ANKRD11: variants seen among roughly 807,000 people sequenced by gnomAD.
ANKRD11 encodes ankyrin repeat domain 11, also known as ankyrin repeat domain-containing protein 11.
A neutral mutation model predicts 195.7 loss-of-function variants in ANKRD11; 17 were observed. The observed-to-expected ratio is 0.09, with a 90% confidence interval of 0.06 to 0.13. ANKRD11 has a LOEUF of 0.13. ANKRD11 is among the 10% of genes least tolerant of loss of function. The probability of loss-of-function intolerance (pLI) is 1.00; values close to 1 mark genes in which losing one functional copy is unlikely to be tolerated. For missense variants in ANKRD11, 3,735 were observed against 3,566.1 expected, an observed-to-expected ratio of 1.05 and a Z score of -1.21; for synonymous variants, 1,953 against 1,528.1, an observed-to-expected ratio of 1.28 and a Z score of -6.49.
chr16:89,300,914 A>T (rs2035812771), intron 4 of ANKRD11: 1 of 700,602 alleles, frequency 1.4e-6, no homozygotes, highest in East Asian at 2.7e-5. Context: ...GGCGCTCCTG[A>T]CGAGGGCTCC....
intron 4 of ANKRD11, chr16:89,304,951 C>A: frequency 1.8e-6 from 1 of 560,676 alleles, no homozygotes; most frequent in South Asian, 2.5e-5. Flanking sequence ...GGACATGCAC[C>A]GGGTGCATCT....
chr16:89,384,020 G>C (rs1333211217), intron 2 of ANKRD11, among the ~76,000 whole-genome samples: 2 of 152,176 alleles, frequency 1.3e-5, no homozygotes, highest in Admixed American at 6.5e-5. Flanking sequence ...AGCAGTTCAA[G>C]ACCAGCCTGG....
At chr16:89,449,881 T>TCA (rs10548102) in intron 1 of ANKRD11, among the ~76,000 whole-genome samples, 81,123 of 151,798 alleles carry the variant, frequency 0.53, 21,842 homozygotes, top group Middle Eastern at 0.67. Flanking sequence ...ATGATCAAAG[T>TCA]CATAGACAGG....
At chr16:89,316,885 C>T (rs1364032214) in intron 3 of ANKRD11, 48 bp downstream of exon 3, 6 of 1,595,508 alleles carry the variant, frequency 3.8e-6, no homozygotes, top group Non-Finnish European at 5.1e-6. Context: ...CCACCTCATC[C>T]CCATCTGGGT....
chr16:89,446,331 C>A (rs1050953555), intron 1 of ANKRD11, among the ~76,000 whole-genome samples: 5 of 152,152 alleles, frequency 3.3e-5, no homozygotes, highest in Non-Finnish European at 5.9e-5. Context: ...TGGACGGGCG[C>A]AGTGGCTCAC....
intron 2 of ANKRD11, among the ~76,000 whole-genome samples, chr16:89,333,603 T>C (rs1235806824): frequency 1.3e-5 from 2 of 152,060 alleles, no homozygotes; most frequent in Non-Finnish European, 2.9e-5. Flanking sequence ...GATGTCAGAG[T>C]CGGAACCCTA....
At chr16:89,356,889 A>G (rs1273042580) in intron 2 of ANKRD11, among the ~76,000 whole-genome samples, 2 of 152,144 alleles carry the variant, frequency 1.3e-5, no homozygotes, top group Non-Finnish European at 2.9e-5. Flanking sequence ...GGCTTCTCCC[A>G]GGCCCTGTGG....
Position 89,417,136 on chromosome 16 carries a change from G to T in ANKRD11, c.-60+1148C>A, listed in dbSNP as rs530063151. Among the ~76,000 whole-genome samples the T allele has an allele frequency of 3.6e-4, 55 of 152,268 alleles. No individual in the cohort carries two copies. In the South Asian group the frequency reaches 0.011, roughly 31 times the overall value. On this transcript the variant is annotated intron_variant, in intron 2 of 12. Coordinates refer to ENST00000301030, the MANE Select transcript of ANKRD11 (RefSeq NM_013275.6). ...AACCTCACCTCTATTTCCAAGGAAA[G>T]AATTCAGTCATATGAAAGAAAGCAG...
chr16:89,270,313 G>A (rs926703121), intron 12 of ANKRD11: 3 of 244,508 alleles, frequency 1.2e-5, no homozygotes, highest in Non-Finnish European at 1.6e-5. Flanking sequence ...ACTGTACAGG[G>A]TGACGCTGAC....
intron 1 of ANKRD11, among the ~76,000 whole-genome samples, chr16:89,436,469 G>A (rs973851278): frequency 6.6e-6 from 1 of 152,004 alleles, no homozygotes; most frequent in African/African-American, 2.4e-5. Context: ...ATCAACAAGA[G>A]ATTCAAGCAG....
rs11866267 is a variant in ANKRD11, at chr16:89,375,131, C to T, written c.-60+43153G>A. ...AAGCAGAAGTGTATACAACTCAGTG[C>T]GGGACATACCACACTGCACGCTGTA... On this transcript the variant is annotated intron_variant, in intron 2 of 12. Transcript: ENST00000301030. 3.5e-3 allele frequency among the ~76,000 whole-genome samples: 537 copies of T among 152,098 alleles called. 3 individuals carry two copies. The highest frequency in any genetic ancestry group is 0.012 in the African/African-American group (512 of 41,482).
chr16:89,278,884 G>A lies in ANKRD11; in HGVS notation c.7470+188C>T, dbSNP rs1048951998. 6.0e-6 allele frequency: 6 copies of A among 995,032 alleles called. No homozygotes were observed. The African/African-American group carries it at 6.4e-5, about 11-fold the overall frequency. The allele number at this position is 995,032 out of a possible 1,614,324, so 61.6% of individuals were successfully genotyped here. A position where few individuals can be genotyped will look rare whatever the true frequency, so the allele number is the denominator to read the frequency against. ...CTGGAGGAAGGACCTCGGGTCTGCAGAACAGCTGGGCAGCTTCCGGCTTTT... is the reference window on the plus strand; with the variant it reads ...CTGGAGGAAGGACCTCGGGTCTGCAAAACAGCTGGGCAGCTTCCGGCTTTT... On this transcript the variant is annotated intron_variant, in intron 9 of 12. Transcript: ENST00000301030.
chr16:89,425,667 G>A (rs984465661), intron 1 of ANKRD11, among the ~76,000 whole-genome samples: 4 of 152,052 alleles, frequency 2.6e-5, no homozygotes, highest in South Asian at 2.1e-4. Context: ...TCGGGCTGGG[G>A]GCAGAGAAGG....
At chr16:89,385,067 G>A (rs1364043178) in intron 2 of ANKRD11, among the ~76,000 whole-genome samples, 2 of 151,666 alleles carry the variant, frequency 1.3e-5, no homozygotes, top group African/African-American at 4.8e-5. Flanking sequence ...TGTATTTTTA[G>A]TAGAGACGAT....
At position 89,403,274 on chromosome 16, in the gene ANKRD11, C is replaced by A. The variant is rs933016669; in HGVS notation, c.-60+15010G>T. On this transcript the variant is annotated intron_variant, in intron 2 of 12. Transcript: ENST00000301030. ...GATGCGCACTCACTCACACCAGCCACGCACATGTTGTGAGCAATCCTGTGT... is the reference window on the plus strand; with the variant it reads ...GATGCGCACTCACTCACACCAGCCAAGCACATGTTGTGAGCAATCCTGTGT... Among the ~76,000 whole-genome samples the A allele has an allele frequency of 3.3e-5, 5 of 152,310 alleles. No individual in the cohort carries two copies. The East Asian group carries it at 7.7e-4, about 23-fold the overall frequency.
rs765426095 is a variant in ANKRD11, at chr16:89,405,266, G to A, written c.-60+13018C>T. ...GCGGTCTGTTGTGGAACAAAATGCC[G>A]TTACGTGGGGCATGACTGTATTCTG... On this transcript the variant is annotated intron_variant, in intron 2 of 12. Coordinates refer to ENST00000301030, the MANE Select transcript of ANKRD11 (RefSeq NM_013275.6). Among the ~76,000 whole-genome samples the A allele has an allele frequency of 5.3e-5, 8 of 152,272 alleles. No homozygotes were observed. The South Asian group carries it at 6.2e-4, about 12-fold the overall frequency.
rs541737531 is a variant in ANKRD11, at chr16:89,303,846, T to A, written c.226+1360A>T. Among the ~76,000 whole-genome samples, 10 of 152,316 alleles carry A rather than the reference T, an allele frequency of 6.6e-5. No individual in the cohort carries two copies. The South Asian group carries it at 1.9e-3, about 28-fold the overall frequency. On this transcript the variant is annotated intron_variant, in intron 4 of 12. Coordinates refer to ENST00000301030, the MANE Select transcript of ANKRD11 (RefSeq NM_013275.6). Reference sequence around the variant, plus strand: ...TACTGGCTGTGCCTGCTGCCGTTCCTCTTCAACAATCTCCTTCGTATCACG... The same window carrying A: ...TACTGGCTGTGCCTGCTGCCGTTCCACTTCAACAATCTCCTTCGTATCACG...
At chr16:89,457,891 T>C (rs2056506609) in intron 1 of ANKRD11, among the ~76,000 whole-genome samples, 1 of 152,188 alleles carries the variant, frequency 6.6e-6, no homozygotes, top group African/African-American at 2.4e-5. Flanking sequence ...TGGAGCTGAA[T>C]GGAGCCACGC....
chr16:89,337,429 C>T (rs72803346), intron 2 of ANKRD11, among the ~76,000 whole-genome samples: 1,294 of 53,016 alleles, frequency 0.024, 33 homozygotes, highest in Middle Eastern at 0.036. Flanking sequence ...CTAAGCAATT[C>T]TTTTTTTTTT....
Sources: allele counts gnomAD v4.1 joint callset (sites outside exome capture counted in the v4.1 genomes callset), GRCh38; gene constraint gnomAD v4.1.1; transcripts MANE v1.5; gene names NCBI Gene and HGNC (gene_info 2026-07-23, HGNC 2026-07-21).